UQCC4: variants seen among roughly 807,000 people sequenced by gnomAD.
The protein encoded by UQCC4 is ubiquinol-cytochrome c reductase complex assembly factor 4.
the UQCC4 span, chr16:1,420,253 C>T: frequency 6.2e-7 from 1 of 1,613,458 alleles, no homozygotes; most frequent in Non-Finnish European, 8.5e-7. Context: ...CCGTCAAGTT[C>T]TCGCTCTGTA....
At chr16:1,420,682 AGGAGCTCACCC>A in the UQCC4 span, 2 of 1,547,228 alleles carry the variant, frequency 1.3e-6, no homozygotes, top group African/African-American at 2.7e-5. Context: ...CGAGACCTTG[AGGAGCTCACCC>A]GGCCGCCGGG....
the UQCC4 span, chr16:1,420,664 C>A: frequency 6.5e-7 from 1 of 1,550,032 alleles, no homozygotes; most frequent in East Asian, 2.4e-5. Context: ...TGTCTGCCCT[C>A]GGCCCTCCGA....
the UQCC4 span, chr16:1,420,652 G>C: frequency 6.4e-7 from 1 of 1,551,156 alleles, no homozygotes; most frequent in Non-Finnish European, 8.7e-7. Context: ...CCCGCCCGCC[G>C]GTGTCTGCCC....
At chr16:1,420,708 A>G in the UQCC4 span, 5 of 1,542,224 alleles carry the variant, frequency 3.2e-6, no homozygotes, top group African/African-American at 2.7e-5. Flanking sequence ...GCCGGGGCAC[A>G]CAAGACACGA....
At chr16:1,420,403 G>A in the UQCC4 span, 1 of 1,614,240 alleles carries the variant, frequency 6.2e-7, no homozygotes. Context: ...GCAGCTGAGG[G>A]GCAGCACCTT....
the UQCC4 span, chr16:1,420,410 C>A: frequency 5.0e-6 from 8 of 1,614,148 alleles, no homozygotes; most frequent in Non-Finnish European, 6.8e-6. Flanking sequence ...AGGGGCAGCA[C>A]CTTCCACCAG....
chr16:1,419,988 C>T, the UQCC4 span: 1 of 1,593,114 alleles, frequency 6.3e-7, no homozygotes, highest in Non-Finnish European at 8.6e-7. Context: ...TACAGTGCAA[C>T]TGAAACCTTC....
the UQCC4 span, chr16:1,420,453 C>T: frequency 6.2e-7 from 1 of 1,614,278 alleles, no homozygotes; most frequent in Non-Finnish European, 8.5e-7. Context: ...TGGTATGGCC[C>T]ACCGACCAGC....
At chr16:1,419,794 G>A in the UQCC4 span, 1 of 761,730 alleles carries the variant, frequency 1.3e-6, no homozygotes, top group Non-Finnish European at 1.8e-6. Context: ...TTGTTGTTGT[G>A]TAAAACTCAC....
chr16:1,420,364 T>TAGC, the UQCC4 span: 2 of 1,614,204 alleles, frequency 1.2e-6, no homozygotes, highest in Admixed American at 3.3e-5. Context: ...CTCCCTCAGG[T>TAGC]AGCACCAGAT....
At chr16:1,420,050 G>T in the UQCC4 span, 7 of 1,611,864 alleles carry the variant, frequency 4.3e-6, no homozygotes, top group Non-Finnish European at 5.1e-6. Flanking sequence ...TCAAGAGCCA[G>T]GCGAGGAGCA....
the UQCC4 span, chr16:1,420,713 A>C: frequency 1.9e-6 from 3 of 1,541,556 alleles, no homozygotes; most frequent in Non-Finnish European, 2.6e-6. Context: ...GGCACACAAG[A>C]CACGATTCAT....
the UQCC4 span, chr16:1,420,008 C>G: frequency 1.2e-6 from 2 of 1,604,786 alleles, no homozygotes; most frequent in Admixed American, 3.3e-5. Context: ...CCCCAAGGAT[C>G]TGAGAAGTCT....
chr16:1,419,869 C>A, the UQCC4 span: 3 of 1,347,536 alleles, frequency 2.2e-6, no homozygotes, highest in Non-Finnish European at 3.0e-6. Flanking sequence ...GCCAGATATT[C>A]TATCTCAGAA....
At chr16:1,420,373 A>T in the UQCC4 span, 8 of 1,614,096 alleles carry the variant, frequency 5.0e-6, no homozygotes, top group Non-Finnish European at 6.8e-6. Context: ...GTAGCACCAG[A>T]TGATCAGCGC....
At chr16:1,419,922 A>G in the UQCC4 span, 4 of 1,467,684 alleles carry the variant, frequency 2.7e-6, no homozygotes, top group Admixed American at 5.4e-5. Context: ...AAGTGTCACC[A>G]GAAGTGCTTT....
At chr16:1,420,594 C>T in the UQCC4 span, 3 of 1,592,572 alleles carry the variant, frequency 1.9e-6, no homozygotes, top group African/African-American at 1.3e-5. Flanking sequence ...AGCCTATGAG[C>T]CTCAGCGCCC....
chr16:1,420,098 G>C, the UQCC4 span: 29 of 1,613,234 alleles, frequency 1.8e-5, no homozygotes, highest in Admixed American at 4.5e-4. Flanking sequence ...GCCTTCACGC[G>C]AATCAGCATA....
the UQCC4 span, chr16:1,420,392 A>G: frequency 3.1e-6 from 5 of 1,614,244 alleles, no homozygotes; most frequent in African/African-American, 1.3e-5. Context: ...GCCACGAGGA[A>G]GCAGCTGAGG....
Sources: gnomAD v4.1 joint callset for allele counts on GRCh38, gnomAD v4.1.1 for gene constraint, MANE v1.5 for transcripts, NCBI Gene and HGNC (gene_info 2026-07-23, HGNC 2026-07-21) for gene names.